CDYL2: variants seen among roughly 807,000 people sequenced by gnomAD.
CDYL2 encodes the protein chromodomain Y like 2.
In CDYL2, 23 loss-of-function variants were observed where a neutral mutation model predicts 49.4. The ratio of observed to expected loss-of-function variants is 0.47; its 90% CI spans 0.34 to 0.66. The LOEUF (loss-of-function observed/expected upper bound fraction) is 0.66, where lower values mean the gene tolerates loss of function less well. Among genes scored for constraint, CDYL2 ranks in the 30% least tolerant of loss-of-function variants. The pLI is 0.01. For synonymous variants in CDYL2, 360 were observed against 268.8 expected (o/e 1.34, Z -3.32); for missense variants, 678 against 656.4 (o/e 1.03, Z -0.36).
chr16:80,632,831 G>A (rs760697864), intron 3 of CDYL2, 188 bp downstream of exon 3: 17 of 577,748 alleles, frequency 2.9e-5, no homozygotes, highest in Middle Eastern at 4.7e-4. Context: ...ATCATTACAC[G>A]GTCATAAAGA....
At chr16:80,613,502 G>A (rs10468349) in intron 4 of CDYL2, among the ~76,000 whole-genome samples, 1,937 of 152,244 alleles carry the variant, frequency 0.013, 39 homozygotes, top group African/African-American at 0.044. Context: ...CATCAAGGGT[G>A]GTTCTAAAAT....
intron 1 of CDYL2, among the ~76,000 whole-genome samples, chr16:80,709,557 A>AACACAC (rs1597091170): frequency 8.2e-6 from 1 of 121,802 alleles, no homozygotes; most frequent in East Asian, 2.5e-4. Context: ...TGCAGGAATA[A>AACACAC]ACAGACACAC....
chr16:80,618,767 C>T (rs1405740426), intron 4 of CDYL2, among the ~76,000 whole-genome samples: 2 of 152,198 alleles, frequency 1.3e-5, no homozygotes, highest in Non-Finnish European at 2.9e-5. Flanking sequence ...CAGACCCCAT[C>T]CAGCAAAGGT....
intron 2 of CDYL2, among the ~76,000 whole-genome samples, chr16:80,635,877 T>C (rs1001992194): frequency 6.6e-6 from 1 of 152,034 alleles, no homozygotes; most frequent in Non-Finnish European, 1.5e-5. Flanking sequence ...TATAGACCAA[T>C]GGAACAGAAC....
intron 1 of CDYL2, among the ~76,000 whole-genome samples, chr16:80,753,360 G>C (rs139237126): frequency 4.1e-4 from 62 of 152,162 alleles, no homozygotes; most frequent in African/African-American, 1.5e-3. Flanking sequence ...TGTAACCCCA[G>C]CATTTTGGTA....
At chr16:80,607,852 C>T (rs1032226753) in intron 6 of CDYL2, among the ~76,000 whole-genome samples, 1 of 152,198 alleles carries the variant, frequency 6.6e-6, no homozygotes, top group Non-Finnish European at 1.5e-5. Flanking sequence ...CCTAGAGTAT[C>T]CATCTCTCCT....
chr16:80,692,090 T>C (rs917440296), intron 1 of CDYL2, among the ~76,000 whole-genome samples: 1 of 152,002 alleles, frequency 6.6e-6, no homozygotes, highest in East Asian at 1.9e-4. Flanking sequence ...CCAGTCTAAG[T>C]CCAACAAAGA....
chr16:80,660,528 G>C (rs1009393789), intron 2 of CDYL2, among the ~76,000 whole-genome samples: 3 of 152,092 alleles, frequency 2.0e-5, no homozygotes, highest in African/African-American at 7.2e-5. Context: ...CCAGTGAAAA[G>C]CATTAAAAGG....
At chr16:80,761,639 G>C (rs1250156922) in intron 1 of CDYL2, among the ~76,000 whole-genome samples, 3 of 152,102 alleles carry the variant, frequency 2.0e-5, no homozygotes, top group Non-Finnish European at 4.4e-5. Context: ...AGGCCAGGAA[G>C]ACCAGATCTT....
At chr16:80,628,376 T>C (rs1298201685) in intron 3 of CDYL2, 1 of 152,248 alleles carries the variant, frequency 6.6e-6, no homozygotes, top group Non-Finnish European at 1.5e-5. Context: ...TGCTCTTTCT[T>C]GGAGTTCTTG....
intron 1 of CDYL2, among the ~76,000 whole-genome samples, chr16:80,792,288 A>G (rs1446720383): frequency 6.6e-6 from 1 of 152,202 alleles, no homozygotes; most frequent in Non-Finnish European, 1.5e-5. Flanking sequence ...CTGGGACAAA[A>G]CCATGAGAAA....
At chr16:80,637,104 A>G (rs1907866080) in intron 2 of CDYL2, among the ~76,000 whole-genome samples, 1 of 152,104 alleles carries the variant, frequency 6.6e-6, no homozygotes, top group Non-Finnish European at 1.5e-5. Context: ...CCTAATATAG[A>G]TGACAGGTTG....
At position 80,714,081 on chromosome 16, in the gene CDYL2, A is replaced by AT. The variant is rs1904712871; in HGVS notation, c.25-28953dup. On this transcript the variant is annotated intron_variant, in intron 1 of 6. Coordinates refer to ENST00000570137, the MANE Select transcript of CDYL2 (RefSeq NM_152342.4). ...CCCTCAAAACCTGTGAGCATTAAAAATTTTTTAACACTACTAATTTATAGG... is the reference window on the plus strand; with the variant it reads ...CCCTCAAAACCTGTGAGCATTAAAAATTTTTTTAACACTACTAATTTATAGG... 2.6e-5 allele frequency among the ~76,000 whole-genome samples: 4 copies of AT among 152,174 alleles called. No homozygotes were observed. The South Asian group carries it at 8.3e-4, about 32-fold the overall frequency.
rs894981429 is a variant in CDYL2 at position 80,599,882 on chromosome 16, G to T, written c.*4506C>A. ...CTTATGGCCAAAGACAATCACCAAG[G>T]TGTCTATCTGGTCCCTGCCGCCATC... is the stretch of plus-strand genomic sequence containing the variant. On this transcript the variant is annotated 3_prime_UTR_variant, in exon 7 of 7. Transcript: ENST00000570137. 1 of 152,152 alleles carries T rather than the reference G, an allele frequency of 6.6e-6. No individual in the cohort carries two copies. The allele number at this position is 152,152 out of a possible 1,614,324, so 9.4% of individuals were successfully genotyped here.
At chr16:80,759,593 T>G (rs1201984418) in intron 1 of CDYL2, among the ~76,000 whole-genome samples, 1 of 152,182 alleles carries the variant, frequency 6.6e-6, no homozygotes, top group Non-Finnish European at 1.5e-5. Context: ...AATTGTTCCT[T>G]TTGGTTTGGG....
At chr16:80,694,449 A>G (rs947076524) in intron 1 of CDYL2, among the ~76,000 whole-genome samples, 4 of 151,842 alleles carry the variant, frequency 2.6e-5, no homozygotes, top group Non-Finnish European at 4.4e-5. Context: ...GCAAATATGT[A>G]AATAATTGAT....
chr16:80,744,053 G>A lies in CDYL2; in HGVS notation c.25-58924C>T, dbSNP rs1167289748. ...ATTCATTTATTCACCCATTTAATATGTTCAAAACCCCCAGGAATTAGGTAT... is the reference window on the plus strand; with the variant it reads ...ATTCATTTATTCACCCATTTAATATATTCAAAACCCCCAGGAATTAGGTAT... On this transcript the variant is annotated intron_variant, in intron 1 of 6. Transcript: ENST00000570137. Among the ~76,000 whole-genome samples the A allele has an allele frequency of 7.1e-5, 3 of 42,174 alleles. No individual in the cohort carries two copies. In the East Asian group the frequency reaches 1.6e-3, roughly 22 times the overall value. The allele number at this position is 42,174 out of a possible 152,430, so 27.7% of individuals were successfully genotyped here.
chr16:80,793,154 T>C (rs1907662258), intron 1 of CDYL2, among the ~76,000 whole-genome samples: 1 of 152,138 alleles, frequency 6.6e-6, no homozygotes, highest in South Asian at 2.1e-4. Context: ...AAACGGACAG[T>C]ATATCTCAAA....
At chr16:80,747,052 G>A (rs544180171) in intron 1 of CDYL2, among the ~76,000 whole-genome samples, 2 of 152,150 alleles carry the variant, frequency 1.3e-5, no homozygotes, top group South Asian at 4.1e-4. Context: ...GCTGAGGGTT[G>A]GCTGCCATTT....
Sources: allele counts gnomAD v4.1 joint callset (sites outside exome capture counted in the v4.1 genomes callset), GRCh38; gene constraint gnomAD v4.1.1; transcripts MANE v1.5; gene names NCBI Gene and HGNC (gene_info 2026-07-23, HGNC 2026-07-21).